Variants in TMEM50B observed in about 807,000 individuals in gnomAD.
TMEM50B encodes the protein transmembrane protein 50B, also known as HCV p7-trans-regulated protein 3.
In TMEM50B, 14 loss-of-function variants were observed where a neutral mutation model predicts 23.4. The observed-to-expected ratio is 0.60, with a 90% CI of 0.39 to 0.93. The LOEUF (loss-of-function observed/expected upper bound fraction) is 0.93, where lower values mean the gene tolerates loss of function less well. Among genes scored for constraint, TMEM50B ranks in the 40% least tolerant of loss-of-function variants. The probability of loss-of-function intolerance (pLI) is 0.00; values close to 1 mark genes in which losing one functional copy is unlikely to be tolerated. For missense variants in TMEM50B, 159 were observed against 193.0 expected (o/e 0.82, Z 1.04); for synonymous variants, 64 against 62.3 (o/e 1.03, Z -0.13).
At position 33,470,197 on chromosome 21, in the gene TMEM50B, C is replaced by T. The variant is rs187287671; in HGVS notation, c.-41-1271G>A. Reference sequence around the variant, plus strand: ...GAAAGAAAGAAAACACAGCCAGATGCGTGGTGGCTCACGCCTATAATCCCA... The same window carrying T: ...GAAAGAAAGAAAACACAGCCAGATGTGTGGTGGCTCACGCCTATAATCCCA... On this transcript the variant is annotated intron_variant, in intron 1 of 6. Transcript: ENST00000542230. Among the ~76,000 whole-genome samples the T allele has an allele frequency of 7.9e-5, 12 of 152,126 alleles. No homozygotes were observed. In the East Asian group the frequency reaches 1.4e-3, roughly 17 times the overall value.
chr21:33,452,863 C>T (rs1274501916), intron 6 of TMEM50B, among the ~76,000 whole-genome samples: 2 of 152,002 alleles, frequency 1.3e-5, no homozygotes, highest in Non-Finnish European at 2.9e-5. Flanking sequence ...GACAATTGGA[C>T]AAGGACCCTG....
At chr21:33,470,460 G>A (rs1161733166) in intron 1 of TMEM50B, among the ~76,000 whole-genome samples, 1 of 147,258 alleles carries the variant, frequency 6.8e-6, no homozygotes, top group African/African-American at 2.5e-5. Context: ...GGCTAGGCTC[G>A]GTGGCTTACG....
intron 4 of TMEM50B, among the ~76,000 whole-genome samples, chr21:33,464,286 C>T (rs1042726636): frequency 6.6e-6 from 1 of 151,666 alleles, no homozygotes; most frequent in African/African-American, 2.4e-5. Flanking sequence ...CAACCTCTGC[C>T]TCCCGGGTTC....
chr21:33,433,176 G>T (rs1250821869), intron 8 of TMEM50B, among the ~76,000 whole-genome samples: 26 of 152,158 alleles, frequency 1.7e-4, no homozygotes, highest in Non-Finnish European at 2.2e-4. Flanking sequence ...GGGAGCCACT[G>T]CGCCCGGCCA....
chr21:33,470,424 CAAAAAAAA>C (rs71194848), intron 1 of TMEM50B, among the ~76,000 whole-genome samples: 1 of 65,962 alleles, frequency 1.5e-5, no homozygotes, highest in Non-Finnish European at 2.8e-5. Flanking sequence ...GACTGTGTCT[CAAAAAAAA>C]AAAAAAAAAA....
chr21:33,476,917 C>T (rs1456658935), intron 1 of TMEM50B, among the ~76,000 whole-genome samples: 2 of 151,972 alleles, frequency 1.3e-5, no homozygotes, highest in East Asian at 3.8e-4. Flanking sequence ...GGCTAAAACC[C>T]AGAAACAGTC....
chr21:33,438,439 A>C (rs538240576), intron 8 of TMEM50B, among the ~76,000 whole-genome samples: 2 of 152,216 alleles, frequency 1.3e-5, no homozygotes, highest in African/African-American at 4.8e-5. Flanking sequence ...TTATCTACTG[A>C]GCACGCAAGT....
At chr21:33,441,670 C>T (rs1205885481) in intron 7 of TMEM50B, among the ~76,000 whole-genome samples, 1 of 152,120 alleles carries the variant, frequency 6.6e-6, no homozygotes, top group East Asian at 1.9e-4. Context: ...TGCTCTGTCA[C>T]CCAAGCTGGA....
intron 1 of TMEM50B, among the ~76,000 whole-genome samples, chr21:33,476,519 T>C (rs908935038): frequency 6.6e-6 from 1 of 152,066 alleles, no homozygotes; most frequent in Admixed American, 6.6e-5. Context: ...CCCTGCACTT[T>C]GGGAAGCCGA....
intron 1 of TMEM50B, among the ~76,000 whole-genome samples, chr21:33,475,433 C>A (rs1039320697): frequency 6.6e-6 from 1 of 152,006 alleles, no homozygotes; most frequent in Non-Finnish European, 1.5e-5. Context: ...CTGTAACTCC[C>A]GCCTCCTGGA....
At chr21:33,445,650 T>G (rs1309253021), downstream of TMEM50B, among the ~76,000 whole-genome samples, 1 of 152,110 alleles carries the variant, frequency 6.6e-6, no homozygotes, top group East Asian at 1.9e-4. Context: ...CAAAAACAAT[T>G]AGCCAGGCGT....
downstream of TMEM50B, among the ~76,000 whole-genome samples, chr21:33,446,554 A>G (rs1288127297): frequency 6.8e-6 from 1 of 148,124 alleles, no homozygotes; most frequent in Non-Finnish European, 1.5e-5. Context: ...ACATTTTTCA[A>G]CATGTTCCAG....
At chr21:33,476,477 T>C (rs1198754071) in intron 1 of TMEM50B, among the ~76,000 whole-genome samples, 4 of 152,090 alleles carry the variant, frequency 2.6e-5, no homozygotes, top group East Asian at 1.9e-4. Flanking sequence ...TTTTAAGTTA[T>C]AACATCAGGC....
rs533850649 is a variant in TMEM50B, at chr21:33,444,058, G to A, written c.*2036+4724C>T. ...TGGGATTATAGGCACCTGCCACTAC[G>A]CCTGGCTAATTTTTGTATTTTTAGT... On this transcript the variant is annotated intron_variant and NMD_transcript_variant, in intron 7 of 8. Transcript: ENST00000420455. Among the ~76,000 whole-genome samples, 910 of 152,146 alleles carry A rather than the reference G, an allele frequency of 6.0e-3. 6 individuals are homozygous for A. Among genetic ancestry groups the A allele is most frequent in the Non-Finnish European group, 8.0e-3 (546 of 67,970 alleles).
chr21:33,452,353 C>T (rs1015477690), intron 6 of TMEM50B, among the ~76,000 whole-genome samples: 6 of 152,202 alleles, frequency 3.9e-5, no homozygotes, highest in African/African-American at 1.4e-4. Context: ...GACAGCCACA[C>T]AGAGGGAACG....
chr21:33,444,306 G>A (rs1015381635), downstream of TMEM50B, among the ~76,000 whole-genome samples: 2 of 152,278 alleles, frequency 1.3e-5, no homozygotes, highest in Middle Eastern at 6.8e-3. Context: ...CTAGCACTTT[G>A]GGAAGTTGAG....
intron 1 of TMEM50B, among the ~76,000 whole-genome samples, chr21:33,470,424 C>CAAAAAAAAAAA (rs71194848): frequency 3.0e-5 from 2 of 65,962 alleles, no homozygotes; most frequent in Non-Finnish European, 5.6e-5. Flanking sequence ...GACTGTGTCT[C>CAAAAAAAAAAA]AAAAAAAAAA....
chr21:33,433,768 T>G (rs1314788198), intron 8 of TMEM50B, among the ~76,000 whole-genome samples: 2 of 149,204 alleles, frequency 1.3e-5, no homozygotes, highest in Non-Finnish European at 2.9e-5. Context: ...TTTTATGTTA[T>G]GTGTATTTTA....
intron 1 of TMEM50B, among the ~76,000 whole-genome samples, chr21:33,473,907 C>T (rs1422496090): frequency 2.6e-5 from 4 of 152,084 alleles, no homozygotes; most frequent in Non-Finnish European, 5.9e-5. Flanking sequence ...ACCTCAACAA[C>T]TGACTAAGTA....
Sources: gnomAD v4.1 joint callset for allele counts (sites outside exome capture counted in the v4.1 genomes callset) on GRCh38, gnomAD v4.1.1 for gene constraint, MANE v1.5 for transcripts, NCBI Gene and HGNC (gene_info 2026-07-23, HGNC 2026-07-21) for gene names.